Variants in QTMAN observed in about 807,000 individuals in gnomAD.
The protein encoded by QTMAN is queuosine-tRNA mannosyltransferase.
At chr2:144,297,014 TTAC>T in the QTMAN span, among the ~76,000 whole-genome samples, 1 of 152,216 alleles carries the variant, frequency 6.6e-6, no homozygotes, top group Non-Finnish European at 1.5e-5. Flanking sequence ...ACTATTATTA[TTAC>T]TGTTTTAGTT....
the QTMAN span, among the ~76,000 whole-genome samples, chr2:144,168,095 T>A: frequency 6.6e-6 from 1 of 152,144 alleles, no homozygotes; most frequent in Non-Finnish European, 1.5e-5. Flanking sequence ...AAAATGACAA[T>A]GGAGACTAAT....
At chr2:144,249,336 G>A in the QTMAN span, among the ~76,000 whole-genome samples, 1 of 152,110 alleles carries the variant, frequency 6.6e-6, no homozygotes, top group South Asian at 2.1e-4. Context: ...CCATCCTAGT[G>A]GGGCTGTTTT....
At chr2:144,175,786 T>G in the QTMAN span, among the ~76,000 whole-genome samples, 1 of 152,098 alleles carries the variant, frequency 6.6e-6, no homozygotes, top group Non-Finnish European at 1.5e-5. Flanking sequence ...TGCCTCAGCC[T>G]CCCAAGTAGC....
At chr2:143,940,205 G>A in the QTMAN span, 2 of 152,214 alleles carry the variant, frequency 1.3e-5, no homozygotes, top group African/African-American at 4.8e-5. Flanking sequence ...TCCTGGCAAG[G>A]ACAGACGCTT....
the QTMAN span, chr2:143,946,996 T>G: frequency 1.6e-6 from 2 of 1,265,320 alleles, no homozygotes; most frequent in South Asian, 2.4e-5. Context: ...GGGCACACTC[T>G]GGAAAGTTCT....
At chr2:143,959,552 A>C in the QTMAN span, among the ~76,000 whole-genome samples, 7,886 of 152,216 alleles carry the variant, frequency 0.052, 271 homozygotes, top group Middle Eastern at 0.12. Flanking sequence ...TGTGGAACAT[A>C]CTCAGCATTC....
At chr2:144,261,485 G>A in the QTMAN span, among the ~76,000 whole-genome samples, 31 of 152,126 alleles carry the variant, frequency 2.0e-4, 1 homozygote, top group South Asian at 8.3e-4. Flanking sequence ...CTTCAAAAAC[G>A]TTAAATATAA....
chr2:144,331,402 T>G, the QTMAN span, among the ~76,000 whole-genome samples: 1 of 151,728 alleles, frequency 6.6e-6, no homozygotes, highest in Non-Finnish European at 1.5e-5. Context: ...TAAAATCAAC[T>G]TCAGGGGTAG....
the QTMAN span, among the ~76,000 whole-genome samples, chr2:144,279,996 G>C: frequency 2.8e-4 from 43 of 152,290 alleles, 1 homozygote; most frequent in East Asian, 8.1e-3. Context: ...CTAAGTGTAT[G>C]TGGGAACTCA....
At chr2:144,061,935 G>A in the QTMAN span, among the ~76,000 whole-genome samples, 1 of 151,968 alleles carries the variant, frequency 6.6e-6, no homozygotes, top group Non-Finnish European at 1.5e-5. Flanking sequence ...GAACTCCAGG[G>A]GAAGATTATC....
the QTMAN span, among the ~76,000 whole-genome samples, chr2:144,203,253 G>C: frequency 6.6e-6 from 1 of 152,040 alleles, no homozygotes; most frequent in African/African-American, 2.4e-5. Context: ...AGAGAGCAAA[G>C]AGACAGAAAG....
chr2:144,003,086 T>C, the QTMAN span, among the ~76,000 whole-genome samples: 1 of 151,976 alleles, frequency 6.6e-6, no homozygotes, highest in Non-Finnish European at 1.5e-5. Flanking sequence ...TATTTGGTTC[T>C]TTGTTATTTT....
the QTMAN span, among the ~76,000 whole-genome samples, chr2:144,010,957 A>G: frequency 3.3e-5 from 5 of 152,186 alleles, no homozygotes; most frequent in Admixed American, 3.3e-4. Context: ...TCAATTCCCT[A>G]TGGAAATGCT....
the QTMAN span, among the ~76,000 whole-genome samples, chr2:144,054,167 G>A: frequency 1.3e-5 from 2 of 151,974 alleles, no homozygotes; most frequent in South Asian, 2.1e-4. Flanking sequence ...TAGCCTGGGC[G>A]ACAGAGTGAG....
chr2:144,081,436 G>C, the QTMAN span, among the ~76,000 whole-genome samples: 1 of 152,324 alleles, frequency 6.6e-6, no homozygotes, highest in Non-Finnish European at 1.5e-5. Flanking sequence ...TTCTGGAAAA[G>C]GCAGTAGCTG....
At chr2:144,277,557 T>C in the QTMAN span, among the ~76,000 whole-genome samples, 1 of 152,154 alleles carries the variant, frequency 6.6e-6, no homozygotes, top group Admixed American at 6.5e-5. Context: ...TTACAAGACA[T>C]TCTTAAAAAT....
At chr2:144,091,369 A>C in the QTMAN span, among the ~76,000 whole-genome samples, 1 of 152,180 alleles carries the variant, frequency 6.6e-6, no homozygotes, top group African/African-American at 2.4e-5. Flanking sequence ...TATAAAGGTT[A>C]CTCAGATACA....
the QTMAN span, among the ~76,000 whole-genome samples, chr2:143,991,961 C>T: frequency 9.9e-5 from 15 of 151,754 alleles, no homozygotes; most frequent in Admixed American, 3.9e-4. Context: ...AGGTGAGGGG[C>T]GCCTCTGCCC....
the QTMAN span, chr2:144,332,310 C>A: frequency 2.0e-5 from 3 of 150,118 alleles, no homozygotes; most frequent in Non-Finnish European, 3.0e-5. Flanking sequence ...CCGCAGCCGC[C>A]GCTGCTGCCC....
Sources: allele counts gnomAD v4.1 joint callset (sites outside exome capture counted in the v4.1 genomes callset), GRCh38; gene constraint gnomAD v4.1.1; transcripts MANE v1.5; gene names NCBI Gene and HGNC (gene_info 2026-07-23, HGNC 2026-07-21).